Variants in MEX3C observed in about 807,000 individuals in gnomAD.
MEX3C encodes RNA-binding E3 ubiquitin-protein ligase MEX3C.
A neutral mutation model predicts 35.5 loss-of-function variants in MEX3C; 15 were observed. That is an observed-to-expected ratio of 0.42 (90% CI 0.28 to 0.65). The LOEUF (loss-of-function observed/expected upper bound fraction) is 0.65. Among genes scored for constraint, MEX3C ranks in the 30% least tolerant of loss-of-function variants. The pLI, the probability that MEX3C is intolerant of heterozygous loss-of-function variation, is 0.20. For missense variants in MEX3C, 711 were observed against 842.8 expected (o/e 0.84, Z 1.94); for synonymous variants, 390 against 352.8 (o/e 1.11, Z -1.18).
rs1568230900 is a variant in MEX3C at position 51,176,377 on chromosome 18, T to G, written c.1954A>C (p.Thr652Pro). The change falls in exon 2 of 2, where the codon ACT (threonine) becomes CCT (proline). Residue 652 changes from threonine to proline, a missense_variant. Thr to Pro is a conservative substitution (Grantham distance 38, BLOSUM62 -1). Transcript: ENST00000406189. ...PSCPVCQTAV[T>P]QAIQIHS Reference sequence around the variant, plus strand: ...TAAGAGTGAATTTGGATTGCCTGAGTAACAGCTGTCTGGCAAACTGGACAT... The same window carrying G: ...TAAGAGTGAATTTGGATTGCCTGAGGAACAGCTGTCTGGCAAACTGGACAT... 1 of 1,613,848 alleles carries G rather than the reference T, an allele frequency of 6.2e-7. No individual in the cohort carries two copies. The highest frequency in any genetic ancestry group is 1.7e-5 in the Admixed American group (1 of 60,008).
rs1470893321 is a variant in MEX3C, at chr18:51,176,482, T to A, written c.1849A>T (p.Ile617Phe). Residue 617 changes from isoleucine (I) to phenylalanine (F), a missense_variant, in exon 2 of 2, where the codon ATT becomes TTT. This residue lies in a region of MEX3C where 87 missense variants were observed against 150.4 expected (regional missense o/e 0.58). Coordinates refer to ENST00000406189, the MANE Select transcript of MEX3C (RefSeq NM_016626.5). ...TGGCCACATGGAACTAGGGCAGCAA[T>A]AACCTCATTCTCAAAGCAAATCACA... Reference protein sequence around the residue: ...DCVICFENEVIAALVPCGHNL... With the variant: ...DCVICFENEVFAALVPCGHNL... 6.2e-6 allele frequency: 10 copies of A among 1,614,004 alleles called. No individual in the cohort carries two copies. The highest frequency in any genetic ancestry group is 8.5e-6 in the Non-Finnish European group (10 of 1,179,896).
At chr18:51,182,568 T>C (rs934752827) in intron 1 of MEX3C, among the ~76,000 whole-genome samples, 3 of 152,224 alleles carry the variant, frequency 2.0e-5, no homozygotes, top group Admixed American at 6.5e-5. Flanking sequence ...TTTCCTTTCC[T>C]ACATCACTGT....
chr18:51,183,556 A>G (rs73438527), intron 1 of MEX3C, among the ~76,000 whole-genome samples: 2,045 of 152,330 alleles, frequency 0.013, 46 homozygotes, highest in African/African-American at 0.047. Context: ...TCAGTTAAAC[A>G]AACACTAACC....
chr18:51,178,306 T>TA (rs1276080511), intron 1 of MEX3C, among the ~76,000 whole-genome samples: 1 of 152,060 alleles, frequency 6.6e-6, no homozygotes, highest in African/African-American at 2.4e-5. Flanking sequence ...ATCCTAAGTA[T>TA]ATTTAAGTTA....
intron 1 of MEX3C, among the ~76,000 whole-genome samples, chr18:51,185,670 G>A (rs899467062): frequency 6.6e-6 from 1 of 152,066 alleles, no homozygotes; most frequent in African/African-American, 2.4e-5. Flanking sequence ...TTCAGGAATA[G>A]TAACCCAAAG....
chr18:51,182,493 T>C (rs758180818), intron 1 of MEX3C, among the ~76,000 whole-genome samples: 3 of 152,230 alleles, frequency 2.0e-5, no homozygotes, highest in Non-Finnish European at 2.9e-5. Context: ...AATTTTATCT[T>C]GATTTGGAAG....
In MEX3C at chr18:51,197,071, C is replaced by T. The variant is rs1912824071; in HGVS notation, c.250G>A (p.Ala84Thr). The stretch of plus-strand genomic sequence containing the variant: ...CGCTCCTCTGGAGACAGCTCCGCCG[C>T]CCGCCGGGCCTGGCCCTGCGCCGCC... ...AAAAQGQARR[A>T]AELSPEERAP... Residue 84 changes from alanine (A) to threonine (T), a missense_variant, in exon 1 of 2, where the codon GCG becomes ACG. By Grantham distance (58) the Ala-to-Thr change is moderately conservative. Coordinates refer to ENST00000406189, the MANE Select transcript of MEX3C (RefSeq NM_016626.5). 3 of 1,367,726 alleles carry T rather than the reference C, an allele frequency of 2.2e-6. No individual in the cohort carries two copies. Among genetic ancestry groups the T allele is most frequent in the African/African-American group, 1.5e-5 (1 of 65,002 alleles). The allele number at this position is 1,367,726 out of a possible 1,614,324, so 84.7% of individuals were successfully genotyped here. A position where few individuals can be genotyped will look rare whatever the true frequency, so the allele number is the denominator to read the frequency against.
In MEX3C at chr18:51,176,557, C is replaced by A; in HGVS notation, c.1774G>T (p.Gly592Cys). ...NGTNSYSSSN[G>C]GSTSSSPPES... ...GGAGGTGAGCTAGAGGTGGAACCAC[C>A]ATTGGAAGAGGAGTAACTATTGGTA... The change falls in exon 2 of 2, where the codon GGT becomes TGT. Residue 592 changes from glycine to cysteine, a missense_variant. Coordinates refer to ENST00000406189, the MANE Select transcript of MEX3C (RefSeq NM_016626.5). 6.2e-7 allele frequency: 1 copy of A among 1,613,930 alleles called. No homozygotes were observed. The highest frequency in any genetic ancestry group is 1.1e-5 in the South Asian group (1 of 91,078).
In MEX3C at chr18:51,197,313, CTGGGCATCGCGGCGGCGCGCTGT is replaced by C; in HGVS notation, c.-16_7del. ...CAGGGCCAGGGCCGCGGAGCTGCCG[CTGGGCATCGCGGCGGCGCGCTGT>C]CAATGGCGGCGGCGGCGGCCGGGTC... On this transcript the variant is annotated start_lost and 5_prime_UTR_variant, in exon 1 of 2. Transcript: ENST00000406189. 1.9e-6 allele frequency: 1 copy of C among 537,660 alleles called. No individual in the cohort carries two copies. The highest frequency in any genetic ancestry group is 2.4e-6 in the Non-Finnish European group (1 of 422,684). The allele number at this position is 537,660 out of a possible 1,614,324, so 33.3% of individuals were successfully genotyped here. A position where few individuals can be genotyped will look rare whatever the true frequency, so the allele number is the denominator to read the frequency against.
intron 1 of MEX3C, chr18:51,195,305 G>C (rs1485839154): frequency 3.3e-5 from 5 of 152,176 alleles, no homozygotes; most frequent in South Asian, 2.1e-4. Flanking sequence ...CCTTTCAATT[G>C]AAAGGTCCAG....
intron 1 of MEX3C, among the ~76,000 whole-genome samples, chr18:51,178,797 T>C (rs1228103956): frequency 6.6e-6 from 1 of 150,636 alleles, no homozygotes; most frequent in East Asian, 2.0e-4. Context: ...GGGACAGAGG[T>C]TGCAGTGAGC....
chr18:51,184,754 A>G (rs1289874194), intron 1 of MEX3C, among the ~76,000 whole-genome samples: 1 of 152,050 alleles, frequency 6.6e-6, no homozygotes, highest in East Asian at 1.9e-4. Context: ...GCTACTTGGG[A>G]GGCTGAGGTT....
At chr18:51,192,369 T>C (rs930953088) in intron 1 of MEX3C, among the ~76,000 whole-genome samples, 1 of 152,142 alleles carries the variant, frequency 6.6e-6, no homozygotes, top group African/African-American at 2.4e-5. Flanking sequence ...ATACAAACCA[T>C]TATTAACGAA....
chr18:51,176,443 T>A lies in MEX3C; in HGVS notation c.1888A>T (p.Met630Leu). The change falls in exon 2 of 2, where the codon ATG (methionine) becomes TTG (leucine). Residue 630 changes from methionine to leucine, a missense_variant. Met to Leu is a conservative substitution (Grantham distance 15). Coordinates refer to ENST00000406189, the MANE Select transcript of MEX3C (RefSeq NM_016626.5). ...LVPCGHNLFC[M>L]ECANKICEKR... ...TCACAGATCTTGTTGGCACATTCCA[T>A]GCAGAAGAGGTTGTGGCCACATGGA... 1 of 1,614,070 alleles carries A rather than the reference T, an allele frequency of 6.2e-7. No individual in the cohort carries two copies. Among genetic ancestry groups the A allele is most frequent in the Non-Finnish European group, 8.5e-7 (1 of 1,179,896 alleles).
chr18:51,179,712 CAT>C (rs1474404796), intron 1 of MEX3C, among the ~76,000 whole-genome samples: 1 of 152,224 alleles, frequency 6.6e-6, no homozygotes, highest in Non-Finnish European at 1.5e-5. Context: ...GAAACTTCCA[CAT>C]CTACGTATCA....
At chr18:51,195,116 T>C (rs1158254002) in intron 1 of MEX3C, 1 of 152,218 alleles carries the variant, frequency 6.6e-6, no homozygotes, top group Non-Finnish European at 1.5e-5. Context: ...GCTTGGTACA[T>C]AGCGATTCCT....
intron 1 of MEX3C, chr18:51,193,908 AATGTCT>A (rs1912713804): frequency 6.6e-6 from 1 of 152,218 alleles, no homozygotes; most frequent in Non-Finnish European, 1.5e-5. Flanking sequence ...TGAAGTCATA[AATGTCT>A]CCATCTGTGA....
intron 1 of MEX3C, among the ~76,000 whole-genome samples, chr18:51,187,774 T>G (rs1912571817): frequency 6.6e-6 from 1 of 152,122 alleles, no homozygotes; most frequent in East Asian, 1.9e-4. Context: ...TATATAAGAA[T>G]GAATGAAGGG....
At chr18:51,180,138 CTA>C (rs1350075865) in intron 1 of MEX3C, among the ~76,000 whole-genome samples, 1 of 151,846 alleles carries the variant, frequency 6.6e-6, no homozygotes, top group Non-Finnish European at 1.5e-5. Flanking sequence ...AAAAAGAAAA[CTA>C]TGTAAAAATC....
Sources: allele counts gnomAD v4.1 joint callset (sites outside exome capture counted in the v4.1 genomes callset), GRCh38; gene constraint gnomAD v4.1.1; regional missense constraint gnomAD v4.1.1; transcripts MANE v1.5; gene names NCBI Gene and HGNC (gene_info 2026-07-23, HGNC 2026-07-21).